LRIF1: variants seen among roughly 807,000 people sequenced by gnomAD.
LRIF1 encodes the protein ligand-dependent nuclear receptor-interacting factor 1.
LRIF1 carries 32 observed loss-of-function variants against 52.7 expected under a neutral mutation model. The ratio of observed to expected loss-of-function variants is 0.61; its 90% confidence interval spans 0.46 to 0.82. The LOEUF (loss-of-function observed/expected upper bound fraction) is 0.82. Ranked by LOEUF, LRIF1 falls within the 40% of genes least tolerant of loss-of-function variation. The pLI, the probability that LRIF1 is intolerant of heterozygous loss-of-function variation, is 0.00. For missense variants in LRIF1, 887 were observed against 892.0 expected (o/e 0.99, Z 0.07); for synonymous variants, 323 against 317.4 (o/e 1.02, Z -0.19).
At chr1:110,912,160 C>T in the LRIF1 span, among the ~76,000 whole-genome samples, 1 of 152,150 alleles carries the variant, frequency 6.6e-6, no homozygotes, top group Admixed American at 6.5e-5. Context: ...TTTTAGGATA[C>T]AAAACCAATG....
the LRIF1 span, chr1:110,937,364 A>G: frequency 3.3e-5 from 5 of 152,264 alleles, no homozygotes; most frequent in Non-Finnish European, 7.4e-5. Flanking sequence ...AAAAAATTGA[A>G]ATAATATCAA....
the LRIF1 span, chr1:110,895,174 C>A: frequency 1.4e-6 from 1 of 717,808 alleles, no homozygotes; most frequent in East Asian, 2.6e-5. Flanking sequence ...CCCTGAATCC[C>A]AGAATAATGC....
chr1:110,947,489 A>G lies in LRIF1; in HGVS notation c.*470T>C, dbSNP rs1658246773. 1 of 152,640 alleles carries G rather than the reference A, an allele frequency of 6.6e-6. No homozygotes were observed. The highest frequency in any genetic ancestry group is 2.4e-5 in the African/African-American group (1 of 41,448). The allele number at this position is 152,640 out of a possible 1,614,324, so 9.5% of individuals were successfully genotyped here. On this transcript the variant is annotated 3_prime_UTR_variant, in exon 4 of 4. Transcript: ENST00000369763. Reference sequence around the variant, plus strand: ...CATTAAAAAAAACAATGGTGAATACAAGGTATCATCATTTTAAGGGTAAAG... The same window carrying G: ...CATTAAAAAAAACAATGGTGAATACGAGGTATCATCATTTTAAGGGTAAAG...
chr1:110,893,409 G>A, the LRIF1 span, among the ~76,000 whole-genome samples: 6 of 152,096 alleles, frequency 3.9e-5, no homozygotes, highest in African/African-American at 9.7e-5. Flanking sequence ...CACAGCCTCC[G>A]CCTCCCGGGT....
At chr1:110,880,220 G>A in the LRIF1 span, 1 of 152,212 alleles carries the variant, frequency 6.6e-6, no homozygotes. Context: ...TAGTTGGAAG[G>A]GGTGGGAGGC....
chr1:110,913,541 T>C, the LRIF1 span, among the ~76,000 whole-genome samples: 7 of 152,164 alleles, frequency 4.6e-5, no homozygotes, highest in Admixed American at 3.9e-4. Flanking sequence ...AACAACCATA[T>C]GAAAAATGCT....
the LRIF1 span, chr1:110,936,470 T>C: frequency 3.3e-5 from 5 of 152,178 alleles, no homozygotes; most frequent in South Asian, 4.1e-4. Flanking sequence ...ATATACTTTT[T>C]ATTAGCTTTG....
At chr1:110,886,336 C>CTT in the LRIF1 span, among the ~76,000 whole-genome samples, 1 of 152,004 alleles carries the variant, frequency 6.6e-6, no homozygotes, top group African/African-American at 2.4e-5. Flanking sequence ...CTTAGTGTAG[C>CTT]TTTCTTCATG....
the LRIF1 span, chr1:110,941,496 A>T: frequency 2.6e-5 from 4 of 152,070 alleles, no homozygotes; most frequent in African/African-American, 9.7e-5. Flanking sequence ...GCACTAATTC[A>T]TACCCCTGCA....
At chr1:110,929,054 C>T in the LRIF1 span, among the ~76,000 whole-genome samples, 1 of 152,124 alleles carries the variant, frequency 6.6e-6, no homozygotes, top group Non-Finnish European at 1.5e-5. Context: ...CCTTATATCC[C>T]TCACTGTACT....
the LRIF1 span, among the ~76,000 whole-genome samples, chr1:110,879,908 T>G: frequency 1.3e-5 from 2 of 152,098 alleles, no homozygotes; most frequent in Non-Finnish European, 2.9e-5. Flanking sequence ...CTTAACCACT[T>G]CTAAGCTTGA....
At chr1:110,897,570 A>G in the LRIF1 span, 1 of 342,200 alleles carries the variant, frequency 2.9e-6, no homozygotes, top group Non-Finnish European at 5.4e-6. Context: ...TCAGCGGGTA[A>G]GGATCTAGGA....
At position 110,951,470 on chromosome 1, in the gene LRIF1, A is replaced by C. The variant is rs144476048; in HGVS notation, c.1414T>G (p.Leu472Val). The change falls in exon 2 of 4, where the codon TTA (leucine) becomes GTA (valine). Residue 472 changes from leucine to valine, a missense_variant. Transcript: ENST00000369763. ...SSNYLKQSKT[L>V]FTNPIFPVGF... ...ACTGGAAAGATTGGATTTGTGAATA[A>C]AGTCTTACTCTGTTTTAAGTAGTTA... 115 of 1,614,066 alleles carry C rather than the reference A, an allele frequency of 7.1e-5. No individual in the cohort carries two copies. In the East Asian group the frequency reaches 9.8e-4, roughly 14 times the overall value.
At chr1:110,905,945 C>A in the LRIF1 span, among the ~76,000 whole-genome samples, 384 of 151,772 alleles carry the variant, frequency 2.5e-3, 1 homozygote, top group African/African-American at 8.9e-3. Context: ...TTTTTAAATG[C>A]AGAGAGTGTT....
chr1:110,915,516 A>AATAAATAAATAT, the LRIF1 span, among the ~76,000 whole-genome samples: 1 of 151,878 alleles, frequency 6.6e-6, no homozygotes, highest in African/African-American at 2.4e-5. Flanking sequence ...TAAATAAATA[A>AATAAATAAATAT]ATTTACTTAC....
chr1:110,960,202 T>G (rs954161452), intron 1 of LRIF1, among the ~76,000 whole-genome samples: 3 of 152,202 alleles, frequency 2.0e-5, no homozygotes, highest in African/African-American at 7.2e-5. Flanking sequence ...TTGAGAAAGC[T>G]TATCTACTTT....
chr1:110,957,301 C>CAAAAA (rs35011841), intron 1 of LRIF1, among the ~76,000 whole-genome samples: 1 of 81,882 alleles, frequency 1.2e-5, no homozygotes, highest in Non-Finnish European at 2.4e-5. Context: ...ACTAAAAATA[C>CAAAAA]AAAAAAAAAA....
the LRIF1 span, among the ~76,000 whole-genome samples, chr1:110,926,191 A>C: frequency 3.9e-5 from 6 of 152,114 alleles, no homozygotes; most frequent in African/African-American, 1.2e-4. Flanking sequence ...AATAGCCAAT[A>C]TATCCTTGGT....
the LRIF1 span, among the ~76,000 whole-genome samples, chr1:110,917,318 A>G: frequency 6.6e-6 from 1 of 152,126 alleles, no homozygotes; most frequent in Non-Finnish European, 1.5e-5. Flanking sequence ...CCAATTGCTT[A>G]CCCTGCAGAC....
Sources: allele counts gnomAD v4.1 joint callset (sites outside exome capture counted in the v4.1 genomes callset), GRCh38; gene constraint gnomAD v4.1.1; transcripts MANE v1.5; gene names NCBI Gene and HGNC (gene_info 2026-07-23, HGNC 2026-07-21).